ACSBG1: variants seen among roughly 807,000 people sequenced by gnomAD.
ACSBG1 encodes the protein acyl-CoA synthetase bubblegum family member 1.
Under a neutral mutation model 80.2 loss-of-function variants are expected in ACSBG1, and 39 were observed. That is an observed-to-expected ratio of 0.49 (90% CI 0.38 to 0.64). ACSBG1 has a LOEUF of 0.64. ACSBG1 is among the 30% of genes least tolerant of loss of function. The pLI is 0.00. For missense variants in ACSBG1, 828 were observed against 966.4 expected (o/e 0.86, Z 1.90); for synonymous variants, 392 against 379.5 (o/e 1.03, Z -0.38).
rs148631315 is a variant in ACSBG1, at chr15:78,203,103, C to T, written c.232+4899G>A. On this transcript the variant is annotated intron_variant, in intron 2 of 13. Coordinates refer to ENST00000258873, the MANE Select transcript of ACSBG1 (RefSeq NM_015162.5). ...TAGACCACACTGAAAAGATCTGTAT[C>T]GAGAGACTTAGGAAATCAGGATGAC... 1.7e-3 allele frequency among the ~76,000 whole-genome samples: 258 copies of T among 152,274 alleles called. 2 individuals are homozygous for T. The highest frequency in any genetic ancestry group is 5.6e-3 in the African/African-American group (231 of 41,554).
chr15:78,233,620 C>T (rs1398952896), intron 1 of ACSBG1, among the ~76,000 whole-genome samples: 1 of 152,240 alleles, frequency 6.6e-6, no homozygotes, highest in Non-Finnish European at 1.5e-5. Flanking sequence ...TAGAAACCTC[C>T]TTCTCTCTGC....
intron 1 of ACSBG1, among the ~76,000 whole-genome samples, chr15:78,223,158 A>G (rs754108122): frequency 3.3e-5 from 5 of 151,926 alleles, no homozygotes; most frequent in Admixed American, 6.6e-5. Flanking sequence ...TGGATCCCTG[A>G]CCCACCATGT....
intron 1 of ACSBG1, among the ~76,000 whole-genome samples, chr15:78,209,931 C>T (rs1458979151): frequency 1.3e-5 from 2 of 152,204 alleles, no homozygotes; most frequent in Admixed American, 6.5e-5. Flanking sequence ...ATGGGCAGCA[C>T]TTCTCTCCCC....
chr15:78,228,952 C>A (rs969212790), intron 1 of ACSBG1, among the ~76,000 whole-genome samples: 1 of 152,100 alleles, frequency 6.6e-6, no homozygotes, highest in Admixed American at 6.5e-5. Context: ...TCGTTATATT[C>A]TATTTTTTTT....
chr15:78,195,173 G>C (rs2075102253), intron 2 of ACSBG1, among the ~76,000 whole-genome samples: 2 of 152,124 alleles, frequency 1.3e-5, no homozygotes, highest in South Asian at 4.2e-4. Context: ...CCCTCCCGAG[G>C]GTCTGGAGGA....
chr15:78,186,116 T>C (rs944894489), intron 5 of ACSBG1, among the ~76,000 whole-genome samples: 9 of 152,296 alleles, frequency 5.9e-5, no homozygotes, highest in Non-Finnish European at 8.8e-5. Flanking sequence ...GCTCTTCTTG[T>C]TGAATTGACC....
At chr15:78,190,303 C>T (rs1381576671) in intron 5 of ACSBG1, among the ~76,000 whole-genome samples, 1 of 124 alleles carries the variant, frequency 8.1e-3, no homozygotes, top group Non-Finnish European at 0.021. Context: ...AGGTTATAAA[C>T]CCCACAAACA....
chr15:78,204,825 G>A (rs1008872740), intron 2 of ACSBG1, among the ~76,000 whole-genome samples: 103 of 152,298 alleles, frequency 6.8e-4, no homozygotes, highest in African/African-American at 2.4e-3. Context: ...GCTCCCTAGC[G>A]CATAGCTCCA....
rs767872050 is a variant in ACSBG1 at position 78,178,471 on chromosome 15, C to T, written c.1702+143G>A. The T allele has an allele frequency of 2.4e-4, 210 of 882,928 alleles. No homozygotes were observed. The highest frequency in any genetic ancestry group is 3.2e-4 in the Non-Finnish European group (194 of 603,412). The allele number at this position is 882,928 out of a possible 1,614,324, so 54.7% of individuals were successfully genotyped here. A position where few individuals can be genotyped will look rare whatever the true frequency, so the allele number is the denominator to read the frequency against. ...ATGCCACCACGCCCAGCTAATTTTT[C>T]GTGTGTTTTTAGTAGAGATGGGGTT... On this transcript the variant is annotated intron_variant, in intron 11 of 13. Coordinates refer to ENST00000258873, the MANE Select transcript of ACSBG1 (RefSeq NM_015162.5). The surrounding 1 kb of genome is among the most constrained non-coding windows in gnomAD (Gnocchi z 4.3).
At chr15:78,213,222 A>T (rs1241260720) in intron 1 of ACSBG1, among the ~76,000 whole-genome samples, 4 of 152,204 alleles carry the variant, frequency 2.6e-5, no homozygotes, top group Non-Finnish European at 5.9e-5. Flanking sequence ...GCAACAATAT[A>T]GTCTGCAATG....
intron 1 of ACSBG1, among the ~76,000 whole-genome samples, chr15:78,211,126 C>G (rs1259792364): frequency 1.3e-5 from 2 of 152,158 alleles, no homozygotes; most frequent in Non-Finnish European, 2.9e-5. Context: ...AGAAAAGAAG[C>G]TAAGGTTTGG....
At position 78,167,924 on chromosome 15, in the gene ACSBG1, T is replaced by G. The variant is rs565898157; in HGVS notation, c.*3520A>C. The stretch of plus-strand genomic sequence containing the variant: ...TAGTCACATTGGAGGTCATATGATT[T>G]TCTTATTCTTTAAAGTTATATTTGG... On this transcript the variant is annotated 3_prime_UTR_variant, in exon 14 of 14. Coordinates refer to ENST00000258873, the MANE Select transcript of ACSBG1 (RefSeq NM_015162.5). The G allele has an allele frequency of 6.6e-6, 1 of 152,376 alleles. No homozygotes were observed. Among genetic ancestry groups the G allele is most frequent in the South Asian group, 2.1e-4 (1 of 4,832 alleles). 9.4% of individuals were successfully genotyped at this position (152,376 alleles called of 1,614,324 possible).
intron 8 of ACSBG1, 136 bp downstream of exon 8, chr15:78,181,833 C>T: frequency 2.5e-6 from 3 of 1,176,524 alleles, no homozygotes. Flanking sequence ...CAGGCTGTGC[C>T]CACTGCAGCT....
chr15:78,215,890 T>C (rs1296573233), intron 1 of ACSBG1, among the ~76,000 whole-genome samples: 1 of 152,118 alleles, frequency 6.6e-6, no homozygotes, highest in African/African-American at 2.4e-5. Context: ...AAATGTGTAA[T>C]CTACCCTTTC....
intron 1 of ACSBG1, among the ~76,000 whole-genome samples, chr15:78,232,459 A>G (rs2075453765): frequency 6.6e-6 from 1 of 152,196 alleles, no homozygotes; most frequent in Non-Finnish European, 1.5e-5. Context: ...AAACAAGCCC[A>G]GTCCTCTGTG....
chr15:78,231,565 T>G (rs765830627), intron 1 of ACSBG1, among the ~76,000 whole-genome samples: 20 of 152,084 alleles, frequency 1.3e-4, no homozygotes, highest in Non-Finnish European at 2.4e-4. Context: ...GGATTACAGG[T>G]GTGAGCCACT....
chr15:78,207,540 CAAG>C (rs542904862), intron 2 of ACSBG1, among the ~76,000 whole-genome samples: 82 of 152,058 alleles, frequency 5.4e-4, no homozygotes, highest in South Asian at 2.5e-3. Flanking sequence ...TGGTGGAGAT[CAAG>C]AAGATAACAT....
chr15:78,193,542 C>G lies in ACSBG1; in HGVS notation c.627G>C (p.Met209Ile). The change falls in exon 5 of 14, where the codon ATG (methionine) becomes ATC (isoleucine). Residue 209 changes from methionine (M) to isoleucine (I), a missense_variant. Around this residue, in one of 3 missense-constraint regions of ACSBG1, gnomAD observed 356 missense variants for 363.5 expected, o/e 0.98. Coordinates refer to ENST00000258873, the MANE Select transcript of ACSBG1 (RefSeq NM_015162.5). ...TTTCCAGCTGCTTCTGCGTGTCGAC[C>G]ATGATGACATTGGCGCAGCAGTCAT... Reference protein sequence around the residue: ...IAYDCCANVIMVDTQKQLEKI... With the variant: ...IAYDCCANVIIVDTQKQLEKI... 6.2e-7 allele frequency: 1 copy of G among 1,613,376 alleles called. No individual in the cohort carries two copies. The highest frequency in any genetic ancestry group is 1.7e-5 in the Admixed American group (1 of 59,942).
At chr15:78,187,838 G>A (rs942073693) in intron 5 of ACSBG1, among the ~76,000 whole-genome samples, 7 of 152,132 alleles carry the variant, frequency 4.6e-5, no homozygotes, top group African/African-American at 1.7e-4. Context: ...AATTAGGCAG[G>A]AGAAGGAAAT....
Sources: allele counts gnomAD v4.1 joint callset (sites outside exome capture counted in the v4.1 genomes callset), GRCh38; gene constraint gnomAD v4.1.1; regional missense constraint gnomAD v4.1.1; non-coding constraint Gnocchi (gnomAD v3.1); transcripts MANE v1.5; gene names NCBI Gene and HGNC (gene_info 2026-07-23, HGNC 2026-07-21).